Variants in PHACTR1 observed in about 807,000 individuals in gnomAD.
The protein encoded by PHACTR1 is RPEL repeat containing 1.
A neutral mutation model predicts 69.2 loss-of-function variants in PHACTR1; 16 were observed. The ratio of observed to expected loss-of-function variants is 0.23; its 90% CI spans 0.16 to 0.35. The LOEUF (loss-of-function observed/expected upper bound fraction) is 0.35, where lower values mean the gene tolerates loss of function less well. Ranked by LOEUF, PHACTR1 falls within the 10% of genes least tolerant of loss-of-function variation. The pLI, the probability that PHACTR1 is intolerant of heterozygous loss-of-function variation, is 1.00. For synonymous variants in PHACTR1, 312 were observed against 284.5 expected (o/e 1.10, Z -0.97); for missense variants, 510 against 734.7 (o/e 0.69, Z 3.54).
intron 4 of PHACTR1, among the ~76,000 whole-genome samples, chr6:12,786,168 T>A (rs1554138594): frequency 6.6e-6 from 1 of 152,210 alleles, no homozygotes; most frequent in Non-Finnish European, 1.5e-5. Context: ...TTTGTGTCTT[T>A]AAACATAGTA....
At chr6:13,256,999 G>A (rs771602884) in intron 10 of PHACTR1, among the ~76,000 whole-genome samples, 13 of 152,050 alleles carry the variant, frequency 8.5e-5, no homozygotes, top group East Asian at 1.9e-4. Context: ...GCCTTTTCTC[G>A]AACTGCTACA....
intron 4 of PHACTR1, among the ~76,000 whole-genome samples, chr6:12,941,741 G>T (rs966018366): frequency 1.3e-5 from 2 of 152,140 alleles, no homozygotes; most frequent in Non-Finnish European, 2.9e-5. Flanking sequence ...CATAGTCAGA[G>T]CCCAGGGCAG....
intron 4 of PHACTR1, among the ~76,000 whole-genome samples, chr6:13,040,524 G>A (rs1392783131): frequency 6.6e-6 from 1 of 152,140 alleles, no homozygotes; most frequent in Admixed American, 6.5e-5. Context: ...ATTCAACTTG[G>A]GGAAAATTCC....
chr6:12,881,209 A>C (rs1783062734), intron 4 of PHACTR1, among the ~76,000 whole-genome samples: 2 of 152,126 alleles, frequency 1.3e-5, no homozygotes, highest in Admixed American at 6.5e-5. Context: ...AAGGAAGGAC[A>C]GTGGGGGCTC....
intron 4 of PHACTR1, among the ~76,000 whole-genome samples, chr6:12,822,231 G>A (rs1360251300): frequency 6.6e-6 from 1 of 152,204 alleles, no homozygotes; most frequent in Non-Finnish European, 1.5e-5. Flanking sequence ...AGGAGGAGAT[G>A]TTGGCAGAAA....
At chr6:13,113,625 A>G (rs1817379372) in intron 5 of PHACTR1, among the ~76,000 whole-genome samples, 1 of 152,322 alleles carries the variant, frequency 6.6e-6, no homozygotes, top group Non-Finnish European at 1.5e-5. Context: ...GGTCCTGATA[A>G]CAATAGAAAC....
intron 4 of PHACTR1, among the ~76,000 whole-genome samples, chr6:12,864,370 C>T (rs913023893): frequency 6.6e-6 from 1 of 152,124 alleles, no homozygotes; most frequent in African/African-American, 2.4e-5. Context: ...TTGCTGTTTG[C>T]GAACTCCATG....
intron 4 of PHACTR1, among the ~76,000 whole-genome samples, chr6:12,782,297 G>A (rs1326835873): frequency 6.6e-6 from 1 of 152,084 alleles, no homozygotes; most frequent in Non-Finnish European, 1.5e-5. Context: ...GCCTTACATA[G>A]CATACTAGTT....
chr6:13,173,427 A>C (rs554855470), intron 6 of PHACTR1, among the ~76,000 whole-genome samples: 1 of 152,366 alleles, frequency 6.6e-6, no homozygotes, highest in African/African-American at 2.4e-5. Context: ...CTATGGCACC[A>C]TGTAATCACA....
chr6:13,235,372 A>G (rs146958339), intron 10 of PHACTR1, among the ~76,000 whole-genome samples: 2 of 152,186 alleles, frequency 1.3e-5, no homozygotes, highest in African/African-American at 4.8e-5. Context: ...ATGTTCCCTC[A>G]TGACTCCATT....
intron 4 of PHACTR1, among the ~76,000 whole-genome samples, chr6:12,764,898 G>A (rs1768428842): frequency 6.6e-6 from 1 of 152,118 alleles, no homozygotes; most frequent in Admixed American, 6.5e-5. Flanking sequence ...GTGCTGGGAA[G>A]CATTGCAGTA....
At chr6:12,820,859 T>C (rs968869405) in intron 4 of PHACTR1, among the ~76,000 whole-genome samples, 6 of 152,084 alleles carry the variant, frequency 3.9e-5, no homozygotes, top group Non-Finnish European at 4.4e-5. Context: ...TAACAAAAAA[T>C]CATCATTACC....
intron 4 of PHACTR1, among the ~76,000 whole-genome samples, chr6:12,805,210 C>A (rs1239671319): frequency 6.6e-6 from 1 of 152,162 alleles, no homozygotes; most frequent in East Asian, 1.9e-4. Flanking sequence ...ACTTGAAATT[C>A]ATCAATTAAC....
At chr6:13,157,154 G>T (rs1038650315) in intron 5 of PHACTR1, among the ~76,000 whole-genome samples, 7 of 152,060 alleles carry the variant, frequency 4.6e-5, no homozygotes, top group Non-Finnish European at 1.0e-4. Context: ...CTTTCTTTCT[G>T]TTCCTTCCTG....
At chr6:13,088,106 TAA>T (rs1812612389) in intron 5 of PHACTR1, among the ~76,000 whole-genome samples, 1 of 151,940 alleles carries the variant, frequency 6.6e-6, no homozygotes, top group Non-Finnish European at 1.5e-5. Context: ...CCCAGAAAAA[TAA>T]GACACAATTC....
intron 4 of PHACTR1, among the ~76,000 whole-genome samples, chr6:12,779,782 G>A (rs1361492977): frequency 6.6e-6 from 1 of 152,132 alleles, no homozygotes; most frequent in South Asian, 2.1e-4. Context: ...GCCCAGCAGC[G>A]ATGCAGCTAT....
intron 5 of PHACTR1, among the ~76,000 whole-genome samples, chr6:13,111,503 A>G (rs1283850381): frequency 6.6e-6 from 1 of 152,150 alleles, no homozygotes; most frequent in African/African-American, 2.4e-5. Flanking sequence ...CCTGTCGCAC[A>G]CCTCATTGTT....
intron 5 of PHACTR1, among the ~76,000 whole-genome samples, chr6:13,153,209 A>G (rs1429066606): frequency 6.6e-6 from 1 of 152,224 alleles, no homozygotes. Context: ...ATAAAAGTGC[A>G]TGGTGAATAC....
intron 4 of PHACTR1, among the ~76,000 whole-genome samples, chr6:12,912,584 C>G (rs556686991): frequency 6.6e-6 from 1 of 152,194 alleles, no homozygotes; most frequent in Admixed American, 6.5e-5. Flanking sequence ...TCCACTCCCC[C>G]ACCCTGATAG....
Sources: gnomAD v4.1 joint callset for allele counts (sites outside exome capture counted in the v4.1 genomes callset) on GRCh38, gnomAD v4.1.1 for gene constraint, MANE v1.5 for transcripts, NCBI Gene and HGNC (gene_info 2026-07-23, HGNC 2026-07-21) for gene names.